Variants in CAMSAP1 observed in about 807,000 individuals in gnomAD.
The protein encoded by CAMSAP1 is calmodulin-regulated spectrin-associated protein 1.
In CAMSAP1, 58 loss-of-function variants were observed where a neutral mutation model predicts 143.5. The observed-to-expected ratio is 0.40, with a 90% CI of 0.33 to 0.50. The LOEUF is 0.50. Ranked by LOEUF, CAMSAP1 falls within the 20% of genes least tolerant of loss-of-function variation. CAMSAP1 has a pLI of 0.45. For missense variants in CAMSAP1, 1,969 were observed against 2,115.7 expected (o/e 0.93, Z 1.36); for synonymous variants, 945 against 859.3 (o/e 1.10, Z -1.74).
Position 135,856,541 on chromosome 9 carries a change from G to A in CAMSAP1, c.808+5926C>T, listed in dbSNP as rs896745341. ...GCCTGTGGCCTCGGTAAGAGAACAC[G>A]CAGCCCCATCCCCTACCCTATGACT... On this transcript the variant is annotated intron_variant, in intron 5 of 16. Coordinates refer to ENST00000389532, the MANE Select transcript of CAMSAP1 (RefSeq NM_015447.4). 2.1e-4 allele frequency among the ~76,000 whole-genome samples: 32 copies of A among 152,216 alleles called. 1 individual carries two copies. The highest frequency in any genetic ancestry group is 3.4e-3 in the Middle Eastern group (1 of 294).
At chr9:135,850,699 T>C (rs916285010) in intron 5 of CAMSAP1, among the ~76,000 whole-genome samples, 10 of 152,160 alleles carry the variant, frequency 6.6e-5, no homozygotes, top group Admixed American at 1.3e-4. Flanking sequence ...GAAAGCATAA[T>C]AGAAATCGCT....
rs575779226 is a variant in CAMSAP1 at position 135,838,749 on chromosome 9, T to C, written c.1046-11165A>G. Among the ~76,000 whole-genome samples, 17 of 151,514 alleles carry C rather than the reference T, an allele frequency of 1.1e-4. No individual in the cohort carries two copies. In the South Asian group the frequency reaches 2.5e-3, roughly 22 times the overall value. ...ACATCATCATGCACTTTCCACCTGTTCTACAGACACACGTCATCACGCACT... is the reference window on the plus strand; with the variant it reads ...ACATCATCATGCACTTTCCACCTGTCCTACAGACACACGTCATCACGCACT... On this transcript the variant is annotated intron_variant, in intron 7 of 16. Coordinates refer to ENST00000389532, the MANE Select transcript of CAMSAP1 (RefSeq NM_015447.4).
intron 1 of CAMSAP1, among the ~76,000 whole-genome samples, chr9:135,906,576 A>C (rs1207232115): frequency 1.3e-5 from 2 of 152,246 alleles, no homozygotes; most frequent in African/African-American, 2.4e-5. Flanking sequence ...ATCAAAATTC[A>C]TAACAAGTGC....
chr9:135,841,248 G>A (rs191975314), intron 7 of CAMSAP1, among the ~76,000 whole-genome samples: 1 of 152,324 alleles, frequency 6.6e-6, no homozygotes, highest in East Asian at 1.9e-4. Flanking sequence ...TTTAAACTGG[G>A]TGGAGCCCTC....
rs182063294 is a variant in CAMSAP1, at chr9:135,845,413, C to A, written c.1045+4724G>T. 1.7e-3 allele frequency among the ~76,000 whole-genome samples: 255 copies of A among 152,270 alleles called. 1 individual carries two copies. The highest frequency in any genetic ancestry group is 0.01 in the Middle Eastern group (3 of 294). On this transcript the variant is annotated intron_variant, in intron 7 of 16. Transcript: ENST00000389532. ...AGACAAACCGACAGCCAACATCATA[C>A]TGAATGGGCAAAAGCTGGAAGTATT...
chr9:135,900,255 C>T (rs1366789667), intron 1 of CAMSAP1, among the ~76,000 whole-genome samples: 1 of 151,922 alleles, frequency 6.6e-6, no homozygotes, highest in East Asian at 1.9e-4. Context: ...ATCTCCTGGG[C>T]TCAAGCAATC....
intron 7 of CAMSAP1, among the ~76,000 whole-genome samples, chr9:135,849,537 T>C (rs757543576): frequency 1.3e-4 from 20 of 152,214 alleles, no homozygotes; most frequent in African/African-American, 4.8e-4. Context: ...TCTTCTTTTT[T>C]CTTATGGCTA....
At chr9:135,832,706 C>A (rs1835894150) in intron 7 of CAMSAP1, among the ~76,000 whole-genome samples, 1 of 152,042 alleles carries the variant, frequency 6.6e-6, no homozygotes, top group Non-Finnish European at 1.5e-5. Context: ...GATACAAAAT[C>A]AACATGAAAA....
At chr9:135,871,489 C>T (rs1564450773) in intron 3 of CAMSAP1, among the ~76,000 whole-genome samples, 1 of 152,164 alleles carries the variant, frequency 6.6e-6, no homozygotes, top group African/African-American at 2.4e-5. Flanking sequence ...ACAGCCCCTT[C>T]TAATTTGTTT....
intron 7 of CAMSAP1, among the ~76,000 whole-genome samples, chr9:135,845,072 A>T (rs1836502792): frequency 6.6e-6 from 1 of 152,316 alleles, no homozygotes; most frequent in Admixed American, 6.5e-5. Context: ...ACAAAAAAAA[A>T]TTTCAGGCCA....
At chr9:135,842,305 G>C (rs1836383973) in intron 7 of CAMSAP1, among the ~76,000 whole-genome samples, 1 of 152,138 alleles carries the variant, frequency 6.6e-6, no homozygotes, top group African/African-American at 2.4e-5. Flanking sequence ...AGAGAAAAAA[G>C]AATGAAAAGG....
Position 135,883,052 on chromosome 9 carries a change from G to T in CAMSAP1, c.187C>A (p.Pro63Thr). 1.2e-5 allele frequency: 19 copies of T among 1,551,630 alleles called. No homozygotes were observed. The highest frequency in any genetic ancestry group is 1.7e-5 in the Non-Finnish European group (19 of 1,146,998). The change falls in exon 2 of 17, where the codon CCT (proline) becomes ACT (threonine). Residue 63 changes from proline (P) to threonine (T), a missense_variant. Pro to Thr is a conservative substitution (Grantham distance 38, BLOSUM62 -1). This residue lies in a region of CAMSAP1 where 215 missense variants were observed against 196.2 expected (regional missense o/e 1.10). Coordinates refer to ENST00000389532, the MANE Select transcript of CAMSAP1 (RefSeq NM_015447.4). ...TGCTCATACTGGTCAACGTAGAAAG[G>T]GTCTCTGAGGTCCTCAGGGATGTTA... is the stretch of plus-strand genomic sequence containing the variant. ...RDNIPEDLRD[P>T]FYVDQYEQEH...
rs766763459 is a variant in CAMSAP1, at chr9:135,808,878, A to G, written c.*2431T>C. On this transcript the variant is annotated 3_prime_UTR_variant, in exon 17 of 17. Coordinates refer to ENST00000389532, the MANE Select transcript of CAMSAP1 (RefSeq NM_015447.4). ...TACACATAAACTTCATCATACATTG[A>G]ATCATTTGGTTTACACTTTCTTTAC... The G allele has an allele frequency of 5.9e-5, 9 of 152,248 alleles. No homozygotes were observed. The highest frequency in any genetic ancestry group is 1.0e-4 in the Non-Finnish European group (7 of 68,054). 9.4% of individuals were successfully genotyped at this position (152,248 alleles called of 1,614,324 possible).
At chr9:135,871,146 T>C (rs139735090) in intron 3 of CAMSAP1, among the ~76,000 whole-genome samples, 202 of 152,308 alleles carry the variant, frequency 1.3e-3, no homozygotes, top group African/African-American at 4.5e-3. Context: ...GCAAGCCAGA[T>C]AGTAAGACAC....
rs978476583 is a variant in CAMSAP1 at position 135,810,284 on chromosome 9, G to A, written c.*1025C>T. 3.9e-5 allele frequency: 6 copies of A among 152,170 alleles called. No homozygotes were observed. Among genetic ancestry groups the A allele is most frequent in the Admixed American group, 2.0e-4 (3 of 15,276 alleles). 9.4% of individuals were successfully genotyped at this position (152,170 alleles called of 1,614,324 possible). A position where few individuals can be genotyped will look rare whatever the true frequency, so the allele number is the denominator to read the frequency against. Reference sequence around the variant, plus strand: ...AAAAGTATCCATCTACAGGGGAAACGGCACGCTCCTCTGAGAGCATGCAGC... The same window carrying A: ...AAAAGTATCCATCTACAGGGGAAACAGCACGCTCCTCTGAGAGCATGCAGC... On this transcript the variant is annotated 3_prime_UTR_variant, in exon 17 of 17. Coordinates refer to ENST00000389532, the MANE Select transcript of CAMSAP1 (RefSeq NM_015447.4).
intron 16 of CAMSAP1, among the ~76,000 whole-genome samples, chr9:135,812,361 A>T (rs2131632748): frequency 6.6e-6 from 1 of 152,302 alleles, no homozygotes; most frequent in East Asian, 1.9e-4. Context: ...TCCGGTACAC[A>T]CTACACTGAG....
rs550967123 is a variant in CAMSAP1 at position 135,822,733 on chromosome 9, C to A, written c.1928G>T (p.Ser643Ile). ...QPLVRRKMTG[S>I]RDLNRTFTPI... ...GGTAAAAGTCCTATTCAAGTCGCGA[C>A]TGCCAGTCATTTTCCTTCGTACCAA... The change falls in exon 11 of 17, where the codon AGT becomes ATT. Residue 643 changes from serine (S) to isoleucine (I), a missense_variant. Transcript: ENST00000389532. The surrounding 1 kb of genome is among the most constrained non-coding windows in gnomAD (Gnocchi z 6.1). 51 of 1,612,690 alleles carry A rather than the reference C, an allele frequency of 3.2e-5. 1 individual carries two copies. The South Asian group carries it at 4.8e-4, about 15-fold the overall frequency.
intron 5 of CAMSAP1, among the ~76,000 whole-genome samples, chr9:135,855,749 A>T (rs1245288744): frequency 7.4e-5 from 8 of 108,328 alleles, no homozygotes; most frequent in East Asian, 2.4e-4. Context: ...ATCTCAATTT[A>T]AAAAAAAAAA....
intron 5 of CAMSAP1, among the ~76,000 whole-genome samples, chr9:135,857,059 G>A (rs975629575): frequency 1.3e-5 from 2 of 152,154 alleles, no homozygotes; most frequent in Non-Finnish European, 2.9e-5. Flanking sequence ...AACCTGCTTG[G>A]TCTCTCCACA....
Sources: allele counts gnomAD v4.1 joint callset (sites outside exome capture counted in the v4.1 genomes callset), GRCh38; gene constraint gnomAD v4.1.1; regional missense constraint gnomAD v4.1.1; non-coding constraint Gnocchi (gnomAD v3.1); transcripts MANE v1.5; gene names NCBI Gene and HGNC (gene_info 2026-07-23, HGNC 2026-07-21).